The following FAM13A variants were observed in gnomAD, a reference collection of about 807,000 sequenced individuals.
FAM13A encodes the protein family with sequence similarity 13 member A.
In FAM13A, 76 loss-of-function variants were observed where a neutral mutation model predicts 129.6. That is an observed-to-expected ratio of 0.59 (90% CI 0.49 to 0.71). FAM13A has a LOEUF of 0.71. Ranked by LOEUF, FAM13A falls within the 30% of genes least tolerant of loss-of-function variation. The probability of loss-of-function intolerance (pLI) is 0.00; values close to 1 mark genes in which losing one functional copy is unlikely to be tolerated. For synonymous variants in FAM13A, 443 were observed against 449.9 expected (o/e 0.98, Z 0.20); for missense variants, 1,108 against 1,249.3 (o/e 0.89, Z 1.70).
chr4:88,920,902 A>G (rs1750957510), intron 5 of FAM13A, among the ~76,000 whole-genome samples: 2 of 152,328 alleles, frequency 1.3e-5, no homozygotes, highest in African/African-American at 4.8e-5. Flanking sequence ...TACGTGAAGA[A>G]TGTAGAAGCC....
chr4:88,729,078 T>C (rs947203240), intron 23 of FAM13A: 2 of 152,270 alleles, frequency 1.3e-5, no homozygotes, highest in African/African-American at 5.0e-5. Flanking sequence ...TTTTTTTTTT[T>C]TTCCAAAAAC....
At chr4:89,035,904 C>G (rs1769328761) in intron 1 of FAM13A, among the ~76,000 whole-genome samples, 1 of 152,118 alleles carries the variant, frequency 6.6e-6, no homozygotes, top group Admixed American at 6.5e-5. Context: ...ATAAATTATC[C>G]AGTCTCAGGT....
At chr4:88,872,410 T>G (rs946344347) in intron 6 of FAM13A, among the ~76,000 whole-genome samples, 2 of 152,088 alleles carry the variant, frequency 1.3e-5, no homozygotes, top group Non-Finnish European at 2.9e-5. Flanking sequence ...TGCAGAGACA[T>G]ACATAGGCTC....
At chr4:88,954,217 C>A (rs1011038140) in intron 4 of FAM13A, among the ~76,000 whole-genome samples, 2 of 152,156 alleles carry the variant, frequency 1.3e-5, no homozygotes, top group African/African-American at 4.8e-5. Context: ...ATCCAATGAA[C>A]ATTTTCTTCA....
intron 20 of FAM13A, among the ~76,000 whole-genome samples, chr4:88,738,427 G>A (rs538726014): frequency 5.3e-5 from 8 of 152,116 alleles, no homozygotes; most frequent in Non-Finnish European, 7.4e-5. Flanking sequence ...ACTTCCTGTC[G>A]CTGAAGGCAA....
chr4:88,995,496 G>A (rs570438599), intron 3 of FAM13A, among the ~76,000 whole-genome samples: 7 of 152,212 alleles, frequency 4.6e-5, no homozygotes, highest in African/African-American at 1.7e-4. Context: ...TCTCTCTCCC[G>A]TTCTGGATGC....
At chr4:89,025,676 G>GAAAATAATT (rs987232131) in intron 2 of FAM13A, among the ~76,000 whole-genome samples, 7 of 152,042 alleles carry the variant, frequency 4.6e-5, no homozygotes, top group African/African-American at 1.7e-4. Context: ...CAGAGGAAAA[G>GAAAATAATT]AAAATAATTA....
intron 19 of FAM13A, among the ~76,000 whole-genome samples, chr4:88,742,504 T>G (rs938931505): frequency 6.6e-6 from 1 of 152,182 alleles, no homozygotes. Context: ...GATCTTTAAG[T>G]CTGAGGTAAG....
At chr4:88,926,721 T>C (rs2148753351) in intron 5 of FAM13A, among the ~76,000 whole-genome samples, 1 of 152,292 alleles carries the variant, frequency 6.6e-6, no homozygotes, top group African/African-American at 2.4e-5. Flanking sequence ...GATCTAAAAA[T>C]TGGAGCCATA....
intron 1 of FAM13A, among the ~76,000 whole-genome samples, chr4:89,053,860 T>G (rs1183769348): frequency 6.6e-6 from 1 of 152,146 alleles, no homozygotes; most frequent in African/African-American, 2.4e-5. Flanking sequence ...CCCACCAATC[T>G]TTAATATATC....
intron 4 of FAM13A, among the ~76,000 whole-genome samples, chr4:88,955,654 T>C (rs1016037440): frequency 2.6e-5 from 4 of 152,184 alleles, no homozygotes; most frequent in African/African-American, 4.8e-5. Context: ...AAAATGCTGA[T>C]AGTGATATGG....
chr4:88,818,447 G>A (rs920168500), intron 7 of FAM13A, among the ~76,000 whole-genome samples: 1 of 152,172 alleles, frequency 6.6e-6, no homozygotes, highest in Non-Finnish European at 1.5e-5. Flanking sequence ...CTGATGGCAA[G>A]TTTACCACTG....
chr4:88,819,403 TA>T (rs1731446949), intron 7 of FAM13A, among the ~76,000 whole-genome samples: 1 of 152,218 alleles, frequency 6.6e-6, no homozygotes, highest in African/African-American at 2.4e-5. Context: ...TCTAGCAAAT[TA>T]AAATACTGCA....
chr4:88,826,799 C>T (rs1456434588), intron 7 of FAM13A, among the ~76,000 whole-genome samples: 1 of 152,144 alleles, frequency 6.6e-6, no homozygotes, highest in African/African-American at 2.4e-5. Flanking sequence ...AGGTCTCAAG[C>T]CTCTTATCTG....
At chr4:88,834,606 A>G (rs886854214) in intron 7 of FAM13A, among the ~76,000 whole-genome samples, 3 of 152,222 alleles carry the variant, frequency 2.0e-5, no homozygotes, top group African/African-American at 7.2e-5. Context: ...AAAACAAATG[A>G]TAATTCCACA....
Position 88,925,814 on chromosome 4 carries a change from C to T in FAM13A, c.759+12274G>A, listed in dbSNP as rs545430357. 5.9e-5 allele frequency among the ~76,000 whole-genome samples: 9 copies of T among 151,592 alleles called. No homozygotes were observed. In the East Asian group the frequency reaches 1.7e-3, roughly 29 times the overall value. On this transcript the variant is annotated intron_variant, in intron 5 of 23. Coordinates refer to ENST00000264344, the MANE Select transcript of FAM13A (RefSeq NM_014883.4). ...TGCAACGTGAGAGGAAAAAAAACCC[C>T]AACTTATCCAAGGCAGAATGTTCTA...
At position 89,012,161 on chromosome 4, in the gene FAM13A, C is replaced by A. The variant is rs369253151; in HGVS notation, c.427+8299G>T. Among the ~76,000 whole-genome samples the A allele has an allele frequency of 5.9e-5, 9 of 152,294 alleles. No homozygotes were observed. In the East Asian group the frequency reaches 1.7e-3, roughly 29 times the overall value. On this transcript the variant is annotated intron_variant, in intron 3 of 23. Coordinates refer to ENST00000264344, the MANE Select transcript of FAM13A (RefSeq NM_014883.4). ...CCTAAATTAAATGAATCCTCTTCTG[C>A]AATCTTTTTATGGCTTACAATTCAC...
chr4:88,750,951 G>A (rs191677284), intron 14 of FAM13A, among the ~76,000 whole-genome samples: 1 of 152,290 alleles, frequency 6.6e-6, no homozygotes, highest in East Asian at 1.9e-4. Context: ...TCTTCCACGT[G>A]ATGGCATCAA....
intron 7 of FAM13A, among the ~76,000 whole-genome samples, chr4:88,845,115 T>G (rs1413685781): frequency 1.3e-5 from 2 of 151,512 alleles, no homozygotes. Flanking sequence ...AACCACAAGG[T>G]GATGGAGACC....
Sources: gnomAD v4.1 joint callset for allele counts (sites outside exome capture counted in the v4.1 genomes callset) on GRCh38, gnomAD v4.1.1 for gene constraint, MANE v1.5 for transcripts, NCBI Gene and HGNC (gene_info 2026-07-23, HGNC 2026-07-21) for gene names.